IFI16: variants seen among roughly 807,000 people sequenced by gnomAD.
IFI16 encodes interferon gamma inducible protein 16.
In IFI16, 49 loss-of-function variants were observed where a neutral mutation model predicts 68.4. The observed-to-expected ratio is 0.72, with a 90% CI of 0.57 to 0.91. The LOEUF (loss-of-function observed/expected upper bound fraction) is 0.91. Ranked by LOEUF, IFI16 falls within the 40% of genes least tolerant of loss-of-function variation. IFI16 has a pLI of 0.00. For missense variants in IFI16, 878 were observed against 942.9 expected, an observed-to-expected ratio of 0.93 and a Z score of 0.90; for synonymous variants, 307 against 315.0, an observed-to-expected ratio of 0.97 and a Z score of 0.27.
chr1:159,037,745 A>G (rs1278319740), intron 7 of IFI16, among the ~76,000 whole-genome samples: 1 of 152,186 alleles, frequency 6.6e-6, no homozygotes. Flanking sequence ...AGGCTGCCAC[A>G]TTGTAGAAGG....
chr1:159,039,970 AT>A (rs1654527542), intron 7 of IFI16, among the ~76,000 whole-genome samples: 2 of 152,344 alleles, frequency 1.3e-5, no homozygotes, highest in African/African-American at 4.8e-5. Flanking sequence ...TAGTACAGAC[AT>A]TTTGAAAACC....
chr1:159,021,777 T>C (rs1489610387), intron 6 of IFI16, among the ~76,000 whole-genome samples: 1 of 152,130 alleles, frequency 6.6e-6, no homozygotes, highest in Non-Finnish European at 1.5e-5. Flanking sequence ...TTTTAAAATT[T>C]TTTGATTATG....
chr1:159,041,981 C>T (rs1478843833), intron 7 of IFI16, among the ~76,000 whole-genome samples: 1 of 152,170 alleles, frequency 6.6e-6, no homozygotes, highest in African/African-American at 2.4e-5. Context: ...TTCTTAGCTC[C>T]AACCCTTCTA....
intron 10 of IFI16, 106 bp downstream of exon 10, chr1:159,052,204 A>G: frequency 5.2e-6 from 4 of 773,128 alleles, no homozygotes; most frequent in Non-Finnish European, 8.3e-6. Context: ...CAGAAAATCA[A>G]CCCCTTCACC....
intron 6 of IFI16, 116 bp from the exon 7 acceptor site, chr1:159,032,408 G>A (rs1322544500): frequency 3.3e-6 from 2 of 605,686 alleles, no homozygotes; most frequent in Non-Finnish European, 2.6e-6. Flanking sequence ...GAGAGACCAT[G>A]TTTGGAAGTA....
chr1:159,052,094 A>G lies in IFI16; in HGVS notation c.2081A>G (p.His694Arg). ...GSFVNGVFEV[H>R]KKNVRGEFTY... Reference sequence around the variant, plus strand: ...TTTGTGAATGGGGTGTTTGAGGTACATAAGGTAAGCCCACACCATTGTTTT... The same window carrying G: ...TTTGTGAATGGGGTGTTTGAGGTACGTAAGGTAAGCCCACACCATTGTTTT... The change falls in exon 10 of 12, where the codon CAT becomes CGT. Residue 694 changes from histidine (H) to arginine (R), a missense_variant. By Grantham distance (29) the His-to-Arg change is conservative. This residue lies in a region of IFI16 where 311 missense variants were observed against 305.1 expected (regional missense o/e 1.02). Transcript: ENST00000295809. 1 of 1,608,910 alleles carries G rather than the reference A, an allele frequency of 6.2e-7. No individual in the cohort carries two copies. The highest frequency in any genetic ancestry group is 2.2e-5 in the East Asian group (1 of 44,860).
upstream of IFI16, among the ~76,000 whole-genome samples, chr1:159,006,633 C>T (rs1652270763): frequency 6.6e-6 from 1 of 152,058 alleles, no homozygotes; most frequent in Non-Finnish European, 1.5e-5. Flanking sequence ...ACCTTCCCAG[C>T]TAGAGAGAGT....
upstream of IFI16, among the ~76,000 whole-genome samples, chr1:159,009,641 A>C (rs1652421919): frequency 6.7e-6 from 1 of 150,202 alleles, no homozygotes; most frequent in Non-Finnish European, 1.5e-5. Context: ...TTTTGTAAGA[A>C]AAAAAACTTA....
intron 7 of IFI16, among the ~76,000 whole-genome samples, chr1:159,044,831 G>A (rs1654882156): frequency 6.6e-6 from 1 of 152,098 alleles, no homozygotes; most frequent in Admixed American, 6.5e-5. Context: ...TTCTTATTAT[G>A]GCTATGATCA....
chr1:159,039,256 T>C (rs969704898), intron 7 of IFI16, among the ~76,000 whole-genome samples: 4 of 152,136 alleles, frequency 2.6e-5, no homozygotes, highest in Admixed American at 1.3e-4. Context: ...TCTTCTTCCA[T>C]AGAAAATACC....
intron 7 of IFI16, among the ~76,000 whole-genome samples, chr1:159,035,672 C>A (rs1175816265): frequency 1.3e-5 from 2 of 152,036 alleles, no homozygotes; most frequent in Admixed American, 6.6e-5. Flanking sequence ...TTCCACTGAT[C>A]ATAGGGTTTC....
At chr1:159,002,313 A>G, upstream of IFI16, among the ~76,000 whole-genome samples, 1 of 152,302 alleles carries the variant, frequency 6.6e-6, no homozygotes, top group African/African-American at 2.4e-5. Context: ...CTGTTTAAAA[A>G]AATTAAAAAA....
rs1415568490 is a variant in IFI16, at chr1:159,049,479, G to A, written c.1545G>A (p.Gln515=). 2 of 1,551,500 alleles carry A rather than the reference G, an allele frequency of 1.3e-6. No individual in the cohort carries two copies. The highest frequency in any genetic ancestry group is 2.8e-5 in the African/African-American group (2 of 72,076). Residue 515 remains glutamine, a synonymous_variant, in exon 9 of 12, where the codon CAG becomes CAA. Coordinates refer to ENST00000295809, the MANE Select transcript of IFI16 (RefSeq NM_001376587.1). ...AAATGAATGACTTCATGAGGATGCAGATACTGAAGGAAGGGAGTCATTTTC... is the reference window on the plus strand; with the variant it reads ...AAATGAATGACTTCATGAGGATGCAAATACTGAAGGAAGGGAGTCATTTTC... ...ISKMNDFMRM[Q]ILKEGSHFPG...
chr1:159,019,261 C>CAAAA (rs71757653), intron 5 of IFI16, among the ~76,000 whole-genome samples: 18,219 of 142,268 alleles, frequency 0.13, 2,383 homozygotes, highest in East Asian at 0.34. Flanking sequence ...ATATAAATAA[C>CAAAA]AAAAAAAAAA....
At chr1:159,028,915 C>G (rs1026904061) in intron 6 of IFI16, among the ~76,000 whole-genome samples, 9 of 152,134 alleles carry the variant, frequency 5.9e-5, no homozygotes, top group Middle Eastern at 3.4e-3. Flanking sequence ...ACAGTAAACA[C>G]TTGGTTGGTG....
intron 7 of IFI16, among the ~76,000 whole-genome samples, chr1:159,037,260 C>A (rs1290848905): frequency 6.6e-6 from 1 of 152,168 alleles, no homozygotes; most frequent in Non-Finnish European, 1.5e-5. Context: ...GACCCTAGGA[C>A]AGGGATTCTA....
intron 7 of IFI16, among the ~76,000 whole-genome samples, chr1:159,044,039 C>A (rs566797220): frequency 1.3e-5 from 2 of 152,092 alleles, no homozygotes; most frequent in African/African-American, 4.8e-5. Context: ...CATGCAAACC[C>A]CTAATAGATC....
Position 159,052,064 on chromosome 1 carries a change from G to T in IFI16, c.2051G>T (p.Gly684Val). ...KINQLCSQTK[G>V]SFVNGVFEVH... ...AATCAGCTTTGCTCACAAACTAAAG[G>T]AAGTTTTGTGAATGGGGTGTTTGAG... The change falls in exon 10 of 12, where the codon GGA becomes GTA. Residue 684 changes from glycine (G) to valine (V), a missense_variant. By Grantham distance (109) the Gly-to-Val change is moderately radical. Transcript: ENST00000295809. 1 of 1,613,070 alleles carries T rather than the reference G, an allele frequency of 6.2e-7. No individual in the cohort carries two copies. The highest frequency in any genetic ancestry group is 8.5e-7 in the Non-Finnish European group (1 of 1,179,838).
At chr1:159,015,000 A>G (rs1331929405) in intron 2 of IFI16, 55 bp downstream of exon 2, 5 of 1,475,952 alleles carry the variant, frequency 3.4e-6, no homozygotes, top group South Asian at 2.7e-5. Context: ...ACCCTCCCCA[A>G]CATTGATTAG....
Sources: allele counts gnomAD v4.1 joint callset (sites outside exome capture counted in the v4.1 genomes callset), GRCh38; gene constraint gnomAD v4.1.1; regional missense constraint gnomAD v4.1.1; transcripts MANE v1.5; gene names NCBI Gene and HGNC (gene_info 2026-07-23, HGNC 2026-07-21).